ARPP19: variants seen among roughly 807,000 people sequenced by gnomAD.
ARPP19 encodes cAMP-regulated phosphoprotein 19.
Under a neutral mutation model 12.0 loss-of-function variants are expected in ARPP19, and 8 were observed. The observed-to-expected ratio is 0.67, with a 90% CI of 0.39 to 1.21. ARPP19 has a LOEUF of 1.21. Ranked by LOEUF, ARPP19 falls within the 50% of genes most tolerant of loss-of-function variation. The pLI is 0.01. For synonymous variants in ARPP19, 47 were observed against 50.4 expected (o/e 0.93, Z 0.29); for missense variants, 102 against 136.3 (o/e 0.75, Z 1.25).
chr15:52,555,775 T>C (rs1566895245), intron 2 of ARPP19, among the ~76,000 whole-genome samples: 1 of 152,038 alleles, frequency 6.6e-6, no homozygotes, highest in Non-Finnish European at 1.5e-5. Context: ...ACCTTAGCAA[T>C]AGGTATTATT....
intron 2 of ARPP19, among the ~76,000 whole-genome samples, chr15:52,556,722 G>A (rs1317120702): frequency 6.6e-6 from 1 of 152,086 alleles, no homozygotes; most frequent in Non-Finnish European, 1.5e-5. Flanking sequence ...GGAGAGATAA[G>A]GGAAAGGGCT....
Position 52,568,863 on chromosome 15 carries a change from G to A in ARPP19, c.30C>T (p.Ser10=). 1 of 1,574,266 alleles carries A rather than the reference G, an allele frequency of 6.4e-7. No homozygotes were observed. The part of the protein sequence containing the change: MSAEVPEAA[S]AEEQKEMEDK... Reference sequence around the variant, plus strand: ...GCGCGCTCACCTTCTGCTCCTCCGCGGAGGCTGCCTCGGGGACTTCCGCAG... The same window carrying A: ...GCGCGCTCACCTTCTGCTCCTCCGCAGAGGCTGCCTCGGGGACTTCCGCAG... Residue 10 remains serine, a synonymous_variant, in exon 1 of 3, where the codon TCC becomes TCT. Transcript: ENST00000249822.
chr15:52,564,353 A>C, intron 1 of ARPP19: 2 of 768,756 alleles, frequency 2.6e-6, no homozygotes, highest in Non-Finnish European at 4.4e-6. Context: ...TCAAGGCGGC[A>C]ATATGCTATC....
chr15:52,561,965 A>G (rs1362677554), intron 1 of ARPP19, among the ~76,000 whole-genome samples: 2 of 143,490 alleles, frequency 1.4e-5, no homozygotes. Context: ...TTATTAAGAT[A>G]CATGGTCTTC....
chr15:52,567,482 C>T (rs1393791587), intron 1 of ARPP19, among the ~76,000 whole-genome samples: 1 of 152,160 alleles, frequency 6.6e-6, no homozygotes, highest in African/African-American at 2.4e-5. Flanking sequence ...CCACCACAGA[C>T]AGGGACTTGT....
intron 1 of ARPP19, chr15:52,557,631 ATGATT>A (rs1277165440): frequency 6.5e-6 from 1 of 152,888 alleles, no homozygotes; most frequent in African/African-American, 2.4e-5. Flanking sequence ...AAAATTATGT[ATGATT>A]TGAAGTTAGA....
At chr15:52,562,125 G>T (rs773557271) in intron 1 of ARPP19, among the ~76,000 whole-genome samples, 4 of 151,918 alleles carry the variant, frequency 2.6e-5, no homozygotes, top group Non-Finnish European at 4.4e-5. Context: ...GAACTATAGG[G>T]AGCAACTGAC....
intron 1 of ARPP19, among the ~76,000 whole-genome samples, chr15:52,560,393 C>T (rs2078021440): frequency 6.6e-6 from 1 of 152,166 alleles, no homozygotes; most frequent in Non-Finnish European, 1.5e-5. Context: ...CATCTATGAG[C>T]TGCAAATGTC....
chr15:52,561,174 T>C (rs2078028889), intron 1 of ARPP19, among the ~76,000 whole-genome samples: 1 of 152,184 alleles, frequency 6.6e-6, no homozygotes, highest in Non-Finnish European at 1.5e-5. Context: ...CACAATTTGA[T>C]GTGACTCCAC....
chr15:52,564,924 C>T (rs917191784), intron 1 of ARPP19, among the ~76,000 whole-genome samples: 1 of 152,054 alleles, frequency 6.6e-6, no homozygotes, highest in African/African-American at 2.4e-5. Context: ...GAGGAAAATC[C>T]ATTCAACCAT....
rs956977917 is a variant in ARPP19 at position 52,551,369 on chromosome 15, C to T, written c.*565G>A. On this transcript the variant is annotated 3_prime_UTR_variant, in exon 3 of 3. Coordinates refer to ENST00000249822, the MANE Select transcript of ARPP19 (RefSeq NM_006628.6). ...GTCACATAAGTTACACCAGAATGGG[C>T]AAATATTGCCCAAGTAAAATTCTAC... 6.6e-6 allele frequency: 1 copy of T among 152,660 alleles called. No individual in the cohort carries two copies. The highest frequency in any genetic ancestry group is 1.5e-5 in the Non-Finnish European group (1 of 68,072). 9.5% of individuals were successfully genotyped at this position (152,660 alleles called of 1,614,324 possible).
At chr15:52,554,245 G>T (rs764870660) in intron 2 of ARPP19, among the ~76,000 whole-genome samples, 1 of 152,058 alleles carries the variant, frequency 6.6e-6, no homozygotes, top group African/African-American at 2.4e-5. Flanking sequence ...TCACAAGGGG[G>T]TCTCAATTAA....
rs538223384 is a variant in ARPP19 at position 52,567,646 on chromosome 15, C to A, written c.45+1202G>T. 2.3e-3 allele frequency among the ~76,000 whole-genome samples: 343 copies of A among 152,220 alleles called. 1 individual carries two copies. The highest frequency in any genetic ancestry group is 6.8e-3 in the Middle Eastern group (2 of 294). ...TTTTTTTGGTAATGCGTAAATATAT[C>A]TATTTTCACGGGATATTCTCAAATA... On this transcript the variant is annotated intron_variant, in intron 1 of 2. Coordinates refer to ENST00000249822, the MANE Select transcript of ARPP19 (RefSeq NM_006628.6).
Position 52,547,512 on chromosome 15 carries a change from A to G in ARPP19, c.*4422T>C, listed in dbSNP as rs1028943653. Reference sequence around the variant, plus strand: ...AACTGCGATTTAGTTGAAAAATAACATAATACAAACATATATTAATGGCTA... The same window carrying G: ...AACTGCGATTTAGTTGAAAAATAACGTAATACAAACATATATTAATGGCTA... On this transcript the variant is annotated 3_prime_UTR_variant, in exon 3 of 3. Coordinates refer to ENST00000249822, the MANE Select transcript of ARPP19 (RefSeq NM_006628.6). 1 of 152,252 alleles carries G rather than the reference A, an allele frequency of 6.6e-6. No individual in the cohort carries two copies. The highest frequency in any genetic ancestry group is 2.4e-5 in the African/African-American group (1 of 41,456). The allele number at this position is 152,252 out of a possible 1,614,324, so 9.4% of individuals were successfully genotyped here.
chr15:52,555,421 A>G (rs1428602043), intron 2 of ARPP19, among the ~76,000 whole-genome samples: 2 of 95,098 alleles, frequency 2.1e-5, no homozygotes, highest in Non-Finnish European at 6.3e-5. Flanking sequence ...CTCATAACTA[A>G]AAACACAGTT....
Position 52,568,931 on chromosome 15 carries a change from A to C in ARPP19, c.-39T>G, listed in dbSNP as rs868179025. 1 of 1,410,416 alleles carries C rather than the reference A, an allele frequency of 7.1e-7. No individual in the cohort carries two copies. The highest frequency in any genetic ancestry group is 2.9e-5 in the East Asian group (1 of 34,032). 87.4% of individuals were successfully genotyped at this position (1,410,416 alleles called of 1,614,324 possible). A position where few individuals can be genotyped will look rare whatever the true frequency, so the allele number is the denominator to read the frequency against. ...CAGACGAGACGCCGGGAAAAGATGC[A>C]ATTAGCGGGTGGCCGAGGCCACCCG... On this transcript the variant is annotated 5_prime_UTR_variant, in exon 1 of 3. In the 5' UTR this introduces an upstream ATG that the reference lacks. Coordinates refer to ENST00000249822, the MANE Select transcript of ARPP19 (RefSeq NM_006628.6).
At chr15:52,559,463 C>T (rs1013715010) in intron 1 of ARPP19, among the ~76,000 whole-genome samples, 6 of 152,188 alleles carry the variant, frequency 3.9e-5, no homozygotes, top group African/African-American at 1.4e-4. Context: ...ATCACCCTAG[C>T]CATCTAGCCA....
chr15:52,562,419 T>C (rs2078042331), intron 1 of ARPP19, among the ~76,000 whole-genome samples: 1 of 152,144 alleles, frequency 6.6e-6, no homozygotes, highest in Admixed American at 6.5e-5. Context: ...AAATAATTCC[T>C]GGTTAAAAAA....
intron 1 of ARPP19, among the ~76,000 whole-genome samples, chr15:52,558,934 G>C (rs2078007751): frequency 6.6e-6 from 1 of 152,056 alleles, no homozygotes; most frequent in Non-Finnish European, 1.5e-5. Context: ...AATGTGCTGG[G>C]ATTATAGGCA....
Sources: allele counts gnomAD v4.1 joint callset (sites outside exome capture counted in the v4.1 genomes callset), GRCh38; gene constraint gnomAD v4.1.1; transcripts MANE v1.5; gene names NCBI Gene and HGNC (gene_info 2026-07-23, HGNC 2026-07-21).